Variants in TBCK observed in about 807,000 individuals in gnomAD.
TBCK encodes TBC domain-containing protein kinase-like protein.
In TBCK, 99 loss-of-function variants were observed where a neutral mutation model predicts 113.4. That is an observed-to-expected ratio of 0.87 (90% CI 0.74 to 1.03). The LOEUF (loss-of-function observed/expected upper bound fraction) is 1.03. Among genes scored for constraint, TBCK ranks in the 50% least tolerant of loss-of-function variants. The pLI is 0.00. For missense variants in TBCK, 1,045 were observed against 1,061.3 expected (o/e 0.98, Z 0.21); for synonymous variants, 369 against 370.8 (o/e 1.00, Z 0.05).
At chr4:106,143,596 A>C (rs924497672) in intron 23 of TBCK, among the ~76,000 whole-genome samples, 24 of 152,176 alleles carry the variant, frequency 1.6e-4, no homozygotes, top group African/African-American at 5.6e-4. Context: ...GGTTGGTGCA[A>C]GAGGGACTGC....
At chr4:106,237,972 A>T (rs1759663640) in intron 12 of TBCK, among the ~76,000 whole-genome samples, 1 of 152,102 alleles carries the variant, frequency 6.6e-6, no homozygotes, top group Non-Finnish European at 1.5e-5. Flanking sequence ...AAAGATAAAA[A>T]TTATTATATG....
chr4:106,277,935 T>C (rs1236439848), intron 3 of TBCK, among the ~76,000 whole-genome samples: 1 of 152,208 alleles, frequency 6.6e-6, no homozygotes, highest in Non-Finnish European at 1.5e-5. Flanking sequence ...AGTGTCCTCA[T>C]ATCAGCAATT....
intron 23 of TBCK, among the ~76,000 whole-genome samples, chr4:106,125,422 A>C (rs1402623384): frequency 6.6e-6 from 1 of 152,164 alleles, no homozygotes; most frequent in Non-Finnish European, 1.5e-5. Flanking sequence ...CTGCCGAGTG[A>C]GGTGGCCCAT....
At chr4:106,220,645 C>G (rs375073070) in intron 19 of TBCK, among the ~76,000 whole-genome samples, 36 of 152,026 alleles carry the variant, frequency 2.4e-4, no homozygotes, top group African/African-American at 8.0e-4. Flanking sequence ...AATACTTTTT[C>G]TTGACTTGAT....
intron 19 of TBCK, among the ~76,000 whole-genome samples, chr4:106,215,394 G>C (rs1399944090): frequency 2.0e-5 from 3 of 151,940 alleles, no homozygotes; most frequent in African/African-American, 7.3e-5. Flanking sequence ...ATGGACTAAA[G>C]GCTCCAGTTA....
At chr4:106,188,308 G>C (rs1753271772) in intron 22 of TBCK, among the ~76,000 whole-genome samples, 1 of 152,080 alleles carries the variant, frequency 6.6e-6, no homozygotes, top group African/African-American at 2.4e-5. Flanking sequence ...AGTATATGTA[G>C]GGATATTTTA....
At chr4:106,217,713 C>T (rs199827952) in intron 19 of TBCK, among the ~76,000 whole-genome samples, 1 of 145,906 alleles carries the variant, frequency 6.9e-6, no homozygotes, top group Non-Finnish European at 1.5e-5. Context: ...TCAAGGAAAT[C>T]AAAGAGGATA....
chr4:106,244,210 G>A (rs953463856), intron 11 of TBCK, among the ~76,000 whole-genome samples: 3 of 152,060 alleles, frequency 2.0e-5, no homozygotes, highest in Non-Finnish European at 4.4e-5. Flanking sequence ...TGAGACCACA[G>A]AGTTCATTTA....
chr4:106,143,788 C>T (rs1255991015), intron 23 of TBCK, among the ~76,000 whole-genome samples: 2 of 152,038 alleles, frequency 1.3e-5, no homozygotes, highest in African/African-American at 4.8e-5. Flanking sequence ...GTGGTGCACA[C>T]CTGCAATCCC....
chr4:106,156,494 C>T (rs1407636986), intron 23 of TBCK, among the ~76,000 whole-genome samples: 1 of 152,180 alleles, frequency 6.6e-6, no homozygotes, highest in East Asian at 1.9e-4. Flanking sequence ...TCCAGAGGTG[C>T]CATCTGCGAG....
chr4:106,261,458 C>A (rs1762498789), intron 4 of TBCK, among the ~76,000 whole-genome samples: 2 of 151,948 alleles, frequency 1.3e-5, no homozygotes, highest in Non-Finnish European at 2.9e-5. Context: ...CCTAACACAG[C>A]AAATAATGCC....
intron 25 of TBCK, among the ~76,000 whole-genome samples, chr4:106,059,815 C>T (rs1735833829): frequency 6.6e-6 from 1 of 151,714 alleles, no homozygotes. Context: ...CATTTTGGGC[C>T]AAACAGCCAA....
At chr4:106,297,998 T>C (rs1020085946) in intron 2 of TBCK, among the ~76,000 whole-genome samples, 1 of 152,220 alleles carries the variant, frequency 6.6e-6, no homozygotes, top group African/African-American at 2.4e-5. Context: ...TTATTACTCA[T>C]TATTCAGGGC....
At chr4:106,274,156 T>C (rs191230387) in intron 3 of TBCK, among the ~76,000 whole-genome samples, 3 of 152,316 alleles carry the variant, frequency 2.0e-5, no homozygotes, top group African/African-American at 7.2e-5. Flanking sequence ...AGTGAGATAC[T>C]ACTTCATACC....
chr4:106,194,549 A>T (rs1285122549), intron 21 of TBCK, among the ~76,000 whole-genome samples, 169 bp downstream of exon 21: 1 of 152,058 alleles, frequency 6.6e-6, no homozygotes, highest in East Asian at 1.9e-4. Context: ...TTTGATATTC[A>T]GGGATCAGAA....
chr4:106,214,590 C>A (rs374075185), intron 19 of TBCK, among the ~76,000 whole-genome samples: 1 of 151,800 alleles, frequency 6.6e-6, no homozygotes, highest in African/African-American at 2.4e-5. Flanking sequence ...GGAGCCGATG[C>A]GATCAACTGG....
At chr4:106,142,200 C>A (rs1232398116) in intron 23 of TBCK, among the ~76,000 whole-genome samples, 1 of 96,656 alleles carries the variant, frequency 1.0e-5, no homozygotes, top group African/African-American at 3.1e-5. Flanking sequence ...TGTAGGATAT[C>A]TAAACAATAA....
At chr4:106,108,959 C>A (rs529293106) in intron 24 of TBCK, among the ~76,000 whole-genome samples, 1 of 150,402 alleles carries the variant, frequency 6.6e-6, no homozygotes, top group African/African-American at 2.5e-5. Flanking sequence ...TATACACCAA[C>A]GACAACCAAC....
At chr4:106,107,122 C>A (rs1021050365) in intron 24 of TBCK, among the ~76,000 whole-genome samples, 2 of 152,158 alleles carry the variant, frequency 1.3e-5, no homozygotes, top group East Asian at 3.9e-4. Flanking sequence ...TACAGGAGCA[C>A]CCAGATTCAT....
Sources: gnomAD v4.1 joint callset for allele counts (sites outside exome capture counted in the v4.1 genomes callset) on GRCh38, gnomAD v4.1.1 for gene constraint, MANE v1.5 for transcripts, NCBI Gene and HGNC (gene_info 2026-07-23, HGNC 2026-07-21) for gene names.